CTPS1: variants seen among roughly 807,000 people sequenced by gnomAD.
CTPS1 encodes the protein CTP synthase 1.
Under a neutral mutation model 80.5 loss-of-function variants are expected in CTPS1, and 25 were observed. The ratio of observed to expected loss-of-function variants is 0.31; its 90% CI spans 0.23 to 0.43. The LOEUF (loss-of-function observed/expected upper bound fraction) is 0.43, where lower values mean the gene tolerates loss of function less well. Among genes scored for constraint, CTPS1 ranks in the 20% least tolerant of loss-of-function variants. The pLI, the probability that CTPS1 is intolerant of heterozygous loss-of-function variation, is 1.00. For missense variants in CTPS1, 442 were observed against 725.7 expected, an observed-to-expected ratio of 0.61 and a Z score of 4.49; for synonymous variants, 267 against 252.5, an observed-to-expected ratio of 1.06 and a Z score of -0.54.
chr1:40,995,039 C>T (rs956832045), intron 7 of CTPS1, among the ~76,000 whole-genome samples: 2 of 152,178 alleles, frequency 1.3e-5, no homozygotes, highest in African/African-American at 4.8e-5. Context: ...TGCCTGCCTC[C>T]TACCCCACAA....
At chr1:40,997,316 C>G in intron 8 of CTPS1, 78 bp from the exon 9 acceptor site, 1 of 1,520,036 alleles carries the variant, frequency 6.6e-7, no homozygotes. Context: ...GTTTTTTTTC[C>G]CTTGAAATAG....
intron 2 of CTPS1, among the ~76,000 whole-genome samples, 163 bp downstream of exon 2, chr1:40,983,619 CT>C (rs56179408): frequency 0.17 from 23,160 of 140,130 alleles, 1,808 homozygotes; most frequent in East Asian, 0.29. Flanking sequence ...AAGCAGAATT[CT>C]TTTTTTTTTT....
At chr1:41,008,097 G>A (rs1397537915) in intron 14 of CTPS1, among the ~76,000 whole-genome samples, 1 of 152,184 alleles carries the variant, frequency 6.6e-6, no homozygotes, top group African/African-American at 2.4e-5. Context: ...AGCATAGCTG[G>A]AGTCACTTGA....
intron 8 of CTPS1, 108 bp downstream of exon 8, chr1:40,996,176 C>G: frequency 8.3e-7 from 1 of 1,209,862 alleles, no homozygotes; most frequent in Non-Finnish European, 1.2e-6. Context: ...CTTCTGCCAT[C>G]CACTCATTAG....
chr1:40,990,344 T>C (rs961432239), intron 5 of CTPS1, among the ~76,000 whole-genome samples: 1 of 152,210 alleles, frequency 6.6e-6, no homozygotes, highest in Non-Finnish European at 1.5e-5. Flanking sequence ...ACAGATGACC[T>C]ACACCAAGGC....
At chr1:40,979,868 C>T (rs1354977005) in intron 1 of CTPS1, 39 bp downstream of exon 1, 1 of 152,198 alleles carries the variant, frequency 6.6e-6, no homozygotes, top group African/African-American at 2.4e-5. Flanking sequence ...GATCTGTTCT[C>T]CCGCGCAGGA....
chr1:40,981,073 C>T (rs1651872041), intron 1 of CTPS1: 1 of 152,360 alleles, frequency 6.6e-6, no homozygotes, highest in South Asian at 2.1e-4. Context: ...TCATCGTCCC[C>T]CTTTATAGTC....
intron 6 of CTPS1, 41 bp downstream of exon 6, chr1:40,991,289 G>A: frequency 7.0e-7 from 1 of 1,434,582 alleles, no homozygotes; most frequent in South Asian, 1.3e-5. Flanking sequence ...AATCTTTTAT[G>A]TCTAGTTAAG....
chr1:41,010,385 A>C, intron 18 of CTPS1, 131 bp downstream of exon 18: 2 of 642,852 alleles, frequency 3.1e-6, no homozygotes, highest in Non-Finnish European at 5.5e-6. Flanking sequence ...TCTTGAATAT[A>C]ATCCAGAGGT....
intron 12 of CTPS1, among the ~76,000 whole-genome samples, chr1:41,005,116 G>A (rs1161798742): frequency 6.6e-6 from 1 of 151,860 alleles, no homozygotes; most frequent in Non-Finnish European, 1.5e-5. Context: ...GTGACATAGT[G>A]AGACTCTTGT....
At position 41,007,110 on chromosome 1, in the gene CTPS1, C is replaced by T. The variant is rs770008232; in HGVS notation, c.1297-339C>T. Among the ~76,000 whole-genome samples, 13 of 152,174 alleles carry T rather than the reference C, an allele frequency of 8.5e-5. No individual in the cohort carries two copies. The highest frequency in any genetic ancestry group is 1.5e-4 in the Non-Finnish European group (10 of 68,006). ...TCAGGCTAGCTGGGGCGATGACAGA[C>T]ATGTTATGACACATCCAGTCCGTGT... On this transcript the variant is annotated intron_variant, in intron 13 of 18. Coordinates refer to ENST00000650070, the MANE Select transcript of CTPS1 (RefSeq NM_001905.4). The surrounding 1 kb of genome is among the most constrained non-coding windows in gnomAD (Gnocchi z 4.4).
Position 40,981,983 on chromosome 1 carries a change from G to A in CTPS1, c.-13-1295G>A, listed in dbSNP as rs1415666012. ...ACGTTCCTGAGGAGGAAAATGTCCT[G>A]ACCATGCCAAAGTAAGCATTTTCTG... On this transcript the variant is annotated intron_variant, in intron 1 of 18. Transcript: ENST00000650070. 3.9e-6 allele frequency: 5 copies of A among 1,288,792 alleles called. No individual in the cohort carries two copies. The South Asian group carries it at 6.2e-5, about 16-fold the overall frequency. 79.8% of individuals were successfully genotyped at this position (1,288,792 alleles called of 1,614,324 possible).
chr1:41,003,014 C>A, intron 11 of CTPS1, 100 bp from the exon 12 acceptor site: 2 of 1,137,450 alleles, frequency 1.8e-6, no homozygotes, highest in Non-Finnish European at 2.6e-6. Context: ...AATTATAATT[C>A]TCCAAATAAA....
chr1:41,000,582 A>G (rs1400734578), intron 9 of CTPS1, among the ~76,000 whole-genome samples: 10 of 152,054 alleles, frequency 6.6e-5, no homozygotes, highest in Non-Finnish European at 1.3e-4. Context: ...TATGTTTGAC[A>G]AAACTCTTCA....
At chr1:41,002,376 C>T in intron 11 of CTPS1, 122 bp downstream of exon 11, 1 of 771,300 alleles carries the variant, frequency 1.3e-6, no homozygotes, top group Non-Finnish European at 2.2e-6. Flanking sequence ...TGGATAGGAG[C>T]TCAAGTAGAA....
intron 2 of CTPS1, among the ~76,000 whole-genome samples, chr1:40,983,808 A>T (rs1340510790): frequency 2.0e-5 from 3 of 151,984 alleles, no homozygotes; most frequent in African/African-American, 7.3e-5. Context: ...TTTTTTGTAC[A>T]GGTGGGGTTC....
intron 10 of CTPS1, chr1:41,001,491 C>T (rs568676010): frequency 2.0e-5 from 5 of 253,590 alleles, no homozygotes; most frequent in Admixed American, 5.9e-5. Context: ...TTGAATATTA[C>T]GGAGGTGTAC....
At position 40,988,714 on chromosome 1, in the gene CTPS1, A is replaced by G; in HGVS notation, c.555+4A>G. 1.3e-6 allele frequency: 2 copies of G among 1,593,760 alleles called. No individual in the cohort carries two copies. The highest frequency in any genetic ancestry group is 1.7e-6 in the Non-Finnish European group (2 of 1,161,904). On this transcript the variant is annotated splice_donor_region_variant and intron_variant, in intron 5 of 18. Coordinates refer to ENST00000650070, the MANE Select transcript of CTPS1 (RefSeq NM_001905.4). The stretch of plus-strand genomic sequence containing the variant: ...CCACGTCAGTCTAGTTCCCCAGGTA[A>G]GTAAGACATTGAAAGTTTTACTTTG...
chr1:40,991,979 G>C, intron 7 of CTPS1, 134 bp downstream of exon 7: 1 of 684,482 alleles, frequency 1.5e-6, no homozygotes, highest in Non-Finnish European at 2.6e-6. Flanking sequence ...CATTGCCATC[G>C]GCCATTCCCT....
Sources: gnomAD v4.1 joint callset for allele counts (sites outside exome capture counted in the v4.1 genomes callset) on GRCh38, gnomAD v4.1.1 for gene constraint, Gnocchi (gnomAD v3.1) non-coding constraint, MANE v1.5 for transcripts, NCBI Gene and HGNC (gene_info 2026-07-23, HGNC 2026-07-21) for gene names.